Variants in PRKACB observed in about 807,000 individuals in gnomAD.
The protein encoded by PRKACB is cAMP-dependent protein kinase catalytic subunit beta.
PRKACB carries 16 observed loss-of-function variants against 51.4 expected under a neutral mutation model. That is an observed-to-expected ratio of 0.31 (90% CI 0.21 to 0.47). The LOEUF (loss-of-function observed/expected upper bound fraction) is 0.47, where lower values mean the gene tolerates loss of function less well. Ranked by LOEUF, PRKACB falls within the 20% of genes least tolerant of loss-of-function variation. PRKACB has a pLI of 1.00. For synonymous variants in PRKACB, 147 were observed against 154.4 expected (o/e 0.95, Z 0.35); for missense variants, 309 against 464.5 (o/e 0.67, Z 3.08).
intron 1 of PRKACB, among the ~76,000 whole-genome samples, chr1:84,087,532 A>G (rs1275035482): frequency 3.3e-5 from 5 of 152,192 alleles, no homozygotes; most frequent in African/African-American, 4.8e-5. Context: ...AAGCTAGATA[A>G]TGCTTTTTTA....
chr1:84,111,506 C>T (rs1650226414), intron 1 of PRKACB, among the ~76,000 whole-genome samples: 1 of 151,988 alleles, frequency 6.6e-6, no homozygotes, highest in South Asian at 2.1e-4. Context: ...ATTTACTGTA[C>T]ATAATCCTTC....
intron 1 of PRKACB, among the ~76,000 whole-genome samples, chr1:84,174,543 G>A (rs1463562922): frequency 6.6e-6 from 1 of 151,826 alleles, no homozygotes; most frequent in African/African-American, 2.4e-5. Context: ...ACCACTAAAT[G>A]GTGCTCAATA....
At chr1:84,214,346 T>C in intron 9 of PRKACB, 29 bp downstream of exon 9, 1 of 1,520,592 alleles carries the variant, frequency 6.6e-7, no homozygotes, top group Non-Finnish European at 8.8e-7. Flanking sequence ...ATTTAAAAGC[T>C]TTTTTAAAGT....
chr1:84,092,502 A>G (rs1209125903), intron 1 of PRKACB, among the ~76,000 whole-genome samples: 2 of 152,158 alleles, frequency 1.3e-5, no homozygotes, highest in Admixed American at 6.5e-5. Flanking sequence ...AAATATATGT[A>G]TGTTTTGGTG....
intron 1 of PRKACB, among the ~76,000 whole-genome samples, chr1:84,093,893 A>C (rs1648716300): frequency 6.6e-6 from 1 of 151,872 alleles, no homozygotes; most frequent in South Asian, 2.1e-4. Context: ...TCAGTGTCAA[A>C]GTTTTATCTT....
chr1:84,168,234 C>T (rs780176236), intron 1 of PRKACB, among the ~76,000 whole-genome samples: 1 of 151,556 alleles, frequency 6.6e-6, no homozygotes, highest in Non-Finnish European at 1.5e-5. Flanking sequence ...ATAACAGTAC[C>T]TTTCTCAGTT....
rs180718605 is a variant in PRKACB, at chr1:84,113,601, A to G, written c.46+35230A>G. Among the ~76,000 whole-genome samples, 67 of 152,328 alleles carry G rather than the reference A, an allele frequency of 4.4e-4. 1 individual carries two copies. Among genetic ancestry groups the G allele is most frequent in the Admixed American group, 3.4e-3 (52 of 15,294 alleles). Reference sequence around the variant, plus strand: ...TAGCATCATTATTCTTAGTTGCTATACAGTGGCAACAATTGGTGAGTAAAG... The same window carrying G: ...TAGCATCATTATTCTTAGTTGCTATGCAGTGGCAACAATTGGTGAGTAAAG... On this transcript the variant is annotated intron_variant, in intron 1 of 8. Transcript: ENST00000370688.
intron 5 of PRKACB, among the ~76,000 whole-genome samples, chr1:84,195,435 T>C (rs1667940602): frequency 6.6e-6 from 1 of 152,234 alleles, no homozygotes; most frequent in Non-Finnish European, 1.5e-5. Context: ...AGGGAAATCC[T>C]ATTCATAGTT....
Position 84,144,530 on chromosome 1 carries a change from G to A in PRKACB, c.169G>A (p.Ala57Thr). Reference sequence around the variant, plus strand: ...CAGCCTTCATTTCTCTGAACATACTGCCTTATGGGACAGATCAAGTAAGTT... The same window carrying A: ...CAGCCTTCATTTCTCTGAACATACTACCTTATGGGACAGATCAAGTAAGTT... The part of the protein sequence containing the change: ...NDSLHFSEHT[A>T]LWDRSMKEFL... Residue 57 changes from alanine to threonine, a missense_variant, in exon 1 of 10, where the codon GCC becomes ACC. Transcript: ENST00000370685. 1 of 1,606,074 alleles carries A rather than the reference G, an allele frequency of 6.2e-7. No homozygotes were observed. Among genetic ancestry groups the A allele is most frequent in the Non-Finnish European group, 8.5e-7 (1 of 1,177,418 alleles).
Position 84,131,339 on chromosome 1 carries a change from C to T in PRKACB, c.47-47838C>T, listed in dbSNP as rs567620651. On this transcript the variant is annotated intron_variant, in intron 1 of 8. Coordinates refer to the PRKACB transcript ENST00000370688. ...AGCCTGGGCAATAAGAGCAAAACTC[C>T]ATCTCAAAAAAAAAAAAATTAATTC... is the stretch of plus-strand genomic sequence containing the variant. Among the ~76,000 whole-genome samples, 386 of 47,080 alleles carry T rather than the reference C, an allele frequency of 8.2e-3. 1 individual carries two copies. The highest frequency in any genetic ancestry group is 0.013 in the Non-Finnish European group (297 of 23,094). The allele number at this position is 47,080 out of a possible 152,430, so 30.9% of individuals were successfully genotyped here.
intron 1 of PRKACB, among the ~76,000 whole-genome samples, chr1:84,099,436 A>G (rs1020103614): frequency 5.3e-5 from 8 of 152,118 alleles, no homozygotes; most frequent in Non-Finnish European, 8.8e-5. Context: ...TGAATTTAAA[A>G]TATTCATGTT....
At chr1:84,234,783 T>C (rs41301182) in intron 9 of PRKACB, among the ~76,000 whole-genome samples, 3,013 of 152,294 alleles carry the variant, frequency 0.02, 106 homozygotes, top group African/African-American at 0.069. Context: ...TCGCACACGG[T>C]GCGTGCACCC....
intron 1 of PRKACB, chr1:84,164,303 GC>G: frequency 6.6e-7 from 1 of 1,524,288 alleles, no homozygotes; most frequent in Non-Finnish European, 8.9e-7. Flanking sequence ...ACTAGCAACA[GC>G]ACACAGCATT....
chr1:84,104,412 C>G (rs1385068357), intron 1 of PRKACB, among the ~76,000 whole-genome samples: 1 of 152,034 alleles, frequency 6.6e-6, no homozygotes, highest in Non-Finnish European at 1.5e-5. Flanking sequence ...GATTCCATAT[C>G]TTGATTATTG....
At chr1:84,122,771 G>A (rs557466649) in intron 1 of PRKACB, among the ~76,000 whole-genome samples, 1 of 152,190 alleles carries the variant, frequency 6.6e-6, no homozygotes, top group Admixed American at 6.6e-5. Flanking sequence ...TTATGAGAGG[G>A]AAAATGGATA....
At chr1:84,185,913 G>A (rs181994887) in intron 5 of PRKACB, among the ~76,000 whole-genome samples, 39 of 152,298 alleles carry the variant, frequency 2.6e-4, no homozygotes, top group African/African-American at 9.4e-4. Context: ...ATTTTATTGA[G>A]GAAGCAAGAA....
intron 9 of PRKACB, among the ~76,000 whole-genome samples, chr1:84,223,198 A>G (rs958878537): frequency 2.6e-5 from 4 of 151,946 alleles, no homozygotes; most frequent in Non-Finnish European, 5.9e-5. Flanking sequence ...TGCTTTGTTC[A>G]TTAATTTTTA....
chr1:84,173,267 A>G (rs1341572464), intron 1 of PRKACB: 5 of 1,335,794 alleles, frequency 3.7e-6, no homozygotes, highest in Non-Finnish European at 5.2e-6. Flanking sequence ...ATAGATGGGT[A>G]ACTTCTTGTA....
chr1:84,151,344 A>AT (rs1473433202), intron 1 of PRKACB, among the ~76,000 whole-genome samples: 5 of 152,028 alleles, frequency 3.3e-5, no homozygotes, highest in Non-Finnish European at 7.4e-5. Flanking sequence ...GCATTTCCCA[A>AT]TTTTTTTGCT....
Sources: allele counts gnomAD v4.1 joint callset (sites outside exome capture counted in the v4.1 genomes callset), GRCh38; gene constraint gnomAD v4.1.1; transcripts MANE v1.5; gene names NCBI Gene and HGNC (gene_info 2026-07-23, HGNC 2026-07-21).